VPS50: variants seen among roughly 807,000 people sequenced by gnomAD.
VPS50 encodes the protein VPS50 subunit of EARP/GARPII complex, also known as syndetin.
Under a neutral mutation model 139.7 loss-of-function variants are expected in VPS50, and 70 were observed. The ratio of observed to expected loss-of-function variants is 0.50; its 90% CI spans 0.41 to 0.61. The LOEUF (loss-of-function observed/expected upper bound fraction) is 0.61. Ranked by LOEUF, VPS50 falls within the 20% of genes least tolerant of loss-of-function variation. The pLI, the probability that VPS50 is intolerant of heterozygous loss-of-function variation, is 0.00. For synonymous variants in VPS50, 365 were observed against 376.7 expected (o/e 0.97, Z 0.36); for missense variants, 921 against 1,133.7 (o/e 0.81, Z 2.69).
At position 93,268,735 on chromosome 7, in the gene VPS50, C is replaced by T. The variant is rs1022509950; in HGVS notation, c.660-2485C>T. Among the ~76,000 whole-genome samples the T allele has an allele frequency of 9.2e-5, 14 of 152,234 alleles. 1 individual carries two copies. The highest frequency in any genetic ancestry group is 3.4e-4 in the African/African-American group (14 of 41,542). ...ATTTATCCAGTCTGTCATTGATGGG[C>T]ATTTGGGTTGACTCCATTTCTTTGC... On this transcript the variant is annotated intron_variant, in intron 9 of 27. Transcript: ENST00000305866.
At chr7:93,322,065 CAGA>C (rs1286102400) in intron 20 of VPS50, among the ~76,000 whole-genome samples, 3 of 141,972 alleles carry the variant, frequency 2.1e-5, no homozygotes, top group Admixed American at 7.0e-5. Flanking sequence ...GATTGTGAAA[CAGA>C]AGAATTTTAA....
Position 93,353,692 on chromosome 7 carries a change from T to A in VPS50, c.2516T>A (p.Ile839Lys). 1 of 1,612,886 alleles carries A rather than the reference T, an allele frequency of 6.2e-7. No homozygotes were observed. The change falls in exon 26 of 28, where the codon ATA (isoleucine) becomes AAA (lysine). Residue 839 changes from isoleucine to lysine, a missense_variant. Ile to Lys is a moderately radical substitution (Grantham distance 102, BLOSUM62 -3). Coordinates refer to ENST00000305866, the MANE Select transcript of VPS50 (RefSeq NM_017667.4). ...AATGAAGTTTCTAAGAGAGTTCGCATACCCTTGCCTGTGTCTAATATACTT... is the reference window on the plus strand; with the variant it reads ...AATGAAGTTTCTAAGAGAGTTCGCAAACCCTTGCCTGTGTCTAATATACTT... ...RLNEVSKRVRIPLPVSNILWE... is the reference protein window; with the variant it reads ...RLNEVSKRVRKPLPVSNILWE...
At chr7:93,324,970 A>C (rs1301721162) in intron 21 of VPS50, among the ~76,000 whole-genome samples, 2 of 152,146 alleles carry the variant, frequency 1.3e-5, no homozygotes, top group Admixed American at 1.3e-4. Context: ...GGAACCAAAA[A>C]AGAGCCTGCA....
chr7:93,233,321 TTTA>T (rs1415143924), intron 1 of VPS50, among the ~76,000 whole-genome samples: 2 of 152,224 alleles, frequency 1.3e-5, no homozygotes, highest in African/African-American at 2.4e-5. Flanking sequence ...AATTGGTCAT[TTTA>T]TTATTTTAAT....
chr7:93,262,514 T>C (rs149719733), intron 9 of VPS50, among the ~76,000 whole-genome samples: 1 of 152,382 alleles, frequency 6.6e-6, no homozygotes, highest in African/African-American at 2.4e-5. Context: ...TGTTTAGATA[T>C]GTGAGTCATG....
chr7:93,276,378 A>G, intron 12 of VPS50, 73 bp downstream of exon 12: 1 of 1,440,752 alleles, frequency 6.9e-7, no homozygotes, highest in South Asian at 1.6e-5. Context: ...TTATCTTGGT[A>G]CATACCTATT....
intron 11 of VPS50, among the ~76,000 whole-genome samples, chr7:93,275,108 A>G (rs1796114831): frequency 6.6e-6 from 1 of 152,172 alleles, no homozygotes; most frequent in Admixed American, 6.5e-5. Flanking sequence ...TAAAACTTGA[A>G]TGGATGTAAG....
chr7:93,302,324 C>T (rs1234819202), intron 16 of VPS50, among the ~76,000 whole-genome samples: 2 of 150,540 alleles, frequency 1.3e-5, no homozygotes, highest in Non-Finnish European at 3.0e-5. Flanking sequence ...TCTCACATCT[C>T]TCTTATGATC....
At chr7:93,270,998 T>A (rs555771403) in intron 9 of VPS50, 19 of 528,604 alleles carry the variant, frequency 3.6e-5, no homozygotes, top group African/African-American at 6.0e-5. Context: ...CTGTAGATTC[T>A]TTCTTTCTAC....
chr7:93,299,245 G>A (rs1796904439), intron 16 of VPS50, among the ~76,000 whole-genome samples: 1 of 152,058 alleles, frequency 6.6e-6, no homozygotes, highest in South Asian at 2.1e-4. Context: ...AGGTATATTT[G>A]TTTCTTTACA....
At chr7:93,295,228 A>C (rs1308315117) in intron 14 of VPS50, among the ~76,000 whole-genome samples, 3 of 152,166 alleles carry the variant, frequency 2.0e-5, no homozygotes, top group Non-Finnish European at 2.9e-5. Context: ...GAAGTCAGAG[A>C]TCAGGGTGCC....
In VPS50 at chr7:93,309,910, C is replaced by T. The variant is rs564438403; in HGVS notation, c.1748+968C>T. On this transcript the variant is annotated intron_variant, in intron 19 of 27. Coordinates refer to ENST00000305866, the MANE Select transcript of VPS50 (RefSeq NM_017667.4). ...TTCTTATCGTTTAACCCTAAGCTAC[C>T]TATTTAATACTGTTTAACTTGAAAT... Among the ~76,000 whole-genome samples, 6 of 151,924 alleles carry T rather than the reference C, an allele frequency of 3.9e-5. No individual in the cohort carries two copies. The South Asian group carries it at 1.0e-3, about 26-fold the overall frequency.
intron 1 of VPS50, among the ~76,000 whole-genome samples, chr7:93,238,170 C>T (rs188477040): frequency 1.4e-3 from 208 of 152,186 alleles, no homozygotes; most frequent in African/African-American, 4.5e-3. Flanking sequence ...CCTTCTTTAC[C>T]AGTTTTGATG....
intron 24 of VPS50, among the ~76,000 whole-genome samples, chr7:93,349,096 C>T (rs1338433925): frequency 6.6e-6 from 1 of 151,986 alleles, no homozygotes. Flanking sequence ...TTAACCCAGA[C>T]TGGAGAAGGG....
At chr7:93,333,054 T>C (rs900813856) in intron 21 of VPS50, among the ~76,000 whole-genome samples, 1 of 152,124 alleles carries the variant, frequency 6.6e-6, no homozygotes, top group Non-Finnish European at 1.5e-5. Flanking sequence ...TATTACCAAA[T>C]TCATCAAACT....
intron 12 of VPS50, 55 bp downstream of exon 12, chr7:93,276,360 T>C (rs762837772): frequency 6.5e-7 from 1 of 1,540,486 alleles, no homozygotes; most frequent in Non-Finnish European, 8.8e-7. Flanking sequence ...TTTAAATTTA[T>C]ATTTCCTTTA....
chr7:93,258,229 C>T lies in VPS50; in HGVS notation c.493C>T (p.Gln165Ter). The T allele has an allele frequency of 6.2e-7, 1 of 1,601,554 alleles. No homozygotes were observed. The highest frequency in any genetic ancestry group is 8.6e-7 in the Non-Finnish European group (1 of 1,168,850). ...LGLLANQRKR[Q>*]LLIGLLKSLR... ...CCTTCTTGCAAATCAAAGGAAACGT[C>T]AGTTGCTGATTGGACTTCTGAAATC... The change falls in exon 7 of 28, where the codon CAG (glutamine) becomes TAG (stop). Residue 165 changes from glutamine to a stop codon, truncating the protein, a stop_gained. Coordinates refer to ENST00000305866, the MANE Select transcript of VPS50 (RefSeq NM_017667.4). LOFTEE classifies it high-confidence loss of function.
intron 23 of VPS50, among the ~76,000 whole-genome samples, chr7:93,345,006 C>CA (rs1437859798): frequency 1.3e-5 from 2 of 152,112 alleles, no homozygotes; most frequent in South Asian, 2.1e-4. Flanking sequence ...AATAGAGACA[C>CA]AAAAAACCCT....
intron 24 of VPS50, 29 bp from the exon 25 acceptor site, chr7:93,349,846 T>A (rs970239296): frequency 1.3e-6 from 2 of 1,578,396 alleles, no homozygotes; most frequent in Non-Finnish European, 1.7e-6. Context: ...AGAAAATAAT[T>A]GTTTTCATTT....
Sources: gnomAD v4.1 joint callset for allele counts (sites outside exome capture counted in the v4.1 genomes callset) on GRCh38, gnomAD v4.1.1 for gene constraint, MANE v1.5 for transcripts, NCBI Gene and HGNC (gene_info 2026-07-23, HGNC 2026-07-21) for gene names.